Variants in ABCD3 observed in about 807,000 individuals in gnomAD.
ABCD3 encodes the protein ATP binding cassette subfamily D member 3.
In ABCD3, 41 loss-of-function variants were observed where a neutral mutation model predicts 105.5. The ratio of observed to expected loss-of-function variants is 0.39; its 90% CI spans 0.30 to 0.50. The LOEUF is 0.50. Ranked by LOEUF, ABCD3 falls within the 20% of genes least tolerant of loss-of-function variation. The pLI, the probability that ABCD3 is intolerant of heterozygous loss-of-function variation, is 0.84. For missense variants in ABCD3, 622 were observed against 806.3 expected, an observed-to-expected ratio of 0.77 and a Z score of 2.77; for synonymous variants, 258 against 269.0, an observed-to-expected ratio of 0.96 and a Z score of 0.40.
At chr1:94,414,772 T>C (rs1236242540), upstream of ABCD3, among the ~76,000 whole-genome samples, 1 of 152,244 alleles carries the variant, frequency 6.6e-6, no homozygotes, top group East Asian at 1.9e-4. Context: ...GCTCCTGTTG[T>C]ATCTTCTTCG....
At position 94,421,258 on chromosome 1, in the gene ABCD3, G is replaced by T. The variant is rs189380947; in HGVS notation, c.110+2670G>T. Among the ~76,000 whole-genome samples, 7 of 152,088 alleles carry T rather than the reference G, an allele frequency of 4.6e-5. No homozygotes were observed. The East Asian group carries it at 1.4e-3, about 29-fold the overall frequency. Reference sequence around the variant, plus strand: ...TTTTTAGGTAAAATTTATATACATTGAAATGTACAAATATTAGTTGTACAT... The same window carrying T: ...TTTTTAGGTAAAATTTATATACATTTAAATGTACAAATATTAGTTGTACAT... On this transcript the variant is annotated intron_variant, in intron 1 of 22. Coordinates refer to ENST00000370214, the MANE Select transcript of ABCD3 (RefSeq NM_002858.4).
chr1:94,396,382 A>G, the ABCD3 span, among the ~76,000 whole-genome samples: 1 of 152,216 alleles, frequency 6.6e-6, no homozygotes, highest in Non-Finnish European at 1.5e-5. Context: ...AATCTCACTT[A>G]CTGAACTTTA....
chr1:94,433,390 G>A (rs1468622922), intron 1 of ABCD3, among the ~76,000 whole-genome samples: 6 of 151,962 alleles, frequency 3.9e-5, no homozygotes, highest in African/African-American at 1.5e-4. Flanking sequence ...CTGACCTCAG[G>A]TGATCTGCCT....
the ABCD3 span, among the ~76,000 whole-genome samples, chr1:94,388,113 T>A: frequency 1.3e-5 from 2 of 152,238 alleles, no homozygotes; most frequent in Non-Finnish European, 2.9e-5. Flanking sequence ...AAGTAAAATT[T>A]ACTTATAGTT....
At chr1:94,467,434 A>G (rs1310810631) in intron 3 of ABCD3, among the ~76,000 whole-genome samples, 11 of 152,220 alleles carry the variant, frequency 7.2e-5, no homozygotes, top group Admixed American at 7.2e-4. Flanking sequence ...GAGGGCATGG[A>G]CACTATTATA....
intron 1 of ABCD3, among the ~76,000 whole-genome samples, chr1:94,430,409 T>TC (rs989073704): frequency 2.7e-4 from 41 of 152,206 alleles, no homozygotes; most frequent in African/African-American, 8.2e-4. Flanking sequence ...TTTGGCTGTG[T>TC]CCCCCTAAAT....
chr1:94,401,602 A>G, the ABCD3 span, among the ~76,000 whole-genome samples: 1 of 152,216 alleles, frequency 6.6e-6, no homozygotes, highest in East Asian at 1.9e-4. Flanking sequence ...GGTCTTCTTA[A>G]GATAAGTTAT....
Position 94,483,335 on chromosome 1 carries a change from A to T in ABCD3, c.897+96A>T, listed in dbSNP as rs530533119. On this transcript the variant is annotated intron_variant, in intron 10 of 22. Coordinates refer to ENST00000370214, the MANE Select transcript of ABCD3 (RefSeq NM_002858.4). ...CCGACACACATACACACACACACAAACACACACGTATGTATACATATCTTA... is the reference window on the plus strand; with the variant it reads ...CCGACACACATACACACACACACAATCACACACGTATGTATACATATCTTA... 1.3e-5 allele frequency: 11 copies of T among 879,262 alleles called. No homozygotes were observed. The African/African-American group carries it at 1.3e-4, about 11-fold the overall frequency. The allele number at this position is 879,262 out of a possible 1,614,324, so 54.5% of individuals were successfully genotyped here.
At position 94,490,596 on chromosome 1, in the gene ABCD3, C is replaced by T. The variant is rs529644794; in HGVS notation, c.1323-588C>T. Among the ~76,000 whole-genome samples the T allele has an allele frequency of 4.3e-4, 66 of 152,002 alleles. 1 individual carries two copies. The highest frequency in any genetic ancestry group is 8.5e-4 in the Admixed American group (13 of 15,260). ...TCTTTTTTAAAAGTGGGGTAATATT[C>T]TATTGTGTGTATTTTGTGTGTATGT... On this transcript the variant is annotated intron_variant, in intron 15 of 22. Coordinates refer to ENST00000370214, the MANE Select transcript of ABCD3 (RefSeq NM_002858.4).
intron 21 of ABCD3, among the ~76,000 whole-genome samples, chr1:94,511,976 CCTT>C (rs1312809646): frequency 6.6e-6 from 1 of 152,126 alleles, no homozygotes; most frequent in Non-Finnish European, 1.5e-5. Context: ...TCGTCTGAAG[CCTT>C]CTTCTCTCAG....
upstream of ABCD3, chr1:94,418,325 G>T: frequency 4.0e-6 from 2 of 502,410 alleles, no homozygotes; most frequent in African/African-American, 2.0e-5. Context: ...TCCAGAGCGC[G>T]GGCGGCGCGG....
intron 21 of ABCD3, among the ~76,000 whole-genome samples, chr1:94,512,490 A>G (rs575044369): frequency 4.4e-4 from 67 of 152,160 alleles, no homozygotes; most frequent in African/African-American, 1.6e-3. Context: ...CAACGTATTT[A>G]AATCTATTTC....
At chr1:94,477,979 GGTATCTTA>G (rs1648845830) in intron 7 of ABCD3, among the ~76,000 whole-genome samples, 1 of 152,152 alleles carries the variant, frequency 6.6e-6, no homozygotes, top group Non-Finnish European at 1.5e-5. Context: ...TCACAGTAGA[GGTATCTTA>G]GTTGATGGAA....
At chr1:94,473,589 A>G (rs752876952) in intron 4 of ABCD3, among the ~76,000 whole-genome samples, 177 bp from the exon 5 acceptor site, 10 of 152,130 alleles carry the variant, frequency 6.6e-5, no homozygotes, top group Non-Finnish European at 1.3e-4. Context: ...GTTCAAAATG[A>G]TGACATTTTA....
the ABCD3 span, among the ~76,000 whole-genome samples, chr1:94,398,293 C>T: frequency 6.6e-6 from 1 of 152,114 alleles, no homozygotes; most frequent in Non-Finnish European, 1.5e-5. Context: ...CTTGTAACTT[C>T]ATTTTCTGAC....
At chr1:94,468,215 C>A (rs1323147727) in intron 4 of ABCD3, among the ~76,000 whole-genome samples, 1 of 152,136 alleles carries the variant, frequency 6.6e-6, no homozygotes, top group African/African-American at 2.4e-5. Context: ...TATATGCCAG[C>A]AACTAGGAGA....
chr1:94,504,938 T>A (rs2101052301), intron 20 of ABCD3, among the ~76,000 whole-genome samples: 1 of 152,186 alleles, frequency 6.6e-6, no homozygotes, highest in East Asian at 1.9e-4. Flanking sequence ...TTAGTTCATT[T>A]TAAAAATAGC....
At chr1:94,395,822 T>C in the ABCD3 span, among the ~76,000 whole-genome samples, 1 of 151,954 alleles carries the variant, frequency 6.6e-6, no homozygotes, top group African/African-American at 2.4e-5. Context: ...TGAGTGTGTG[T>C]GTGTGTGCAC....
In ABCD3 at chr1:94,499,093, C is replaced by G. The variant is rs1028939635; in HGVS notation, c.1620+59C>G. On this transcript the variant is annotated intron_variant, in intron 19 of 22. Transcript: ENST00000370214. ...AATACTCCAGATTATTTATTTTAAT[C>G]AATTAAGTATTTTAAATGCCAGGTA... 15 of 1,425,102 alleles carry G rather than the reference C, an allele frequency of 1.1e-5. No individual in the cohort carries two copies. In the Admixed American group the frequency reaches 2.4e-4, roughly 22 times the overall value. 88.3% of individuals were successfully genotyped at this position (1,425,102 alleles called of 1,614,324 possible).
Sources: allele counts gnomAD v4.1 joint callset (sites outside exome capture counted in the v4.1 genomes callset), GRCh38; gene constraint gnomAD v4.1.1; transcripts MANE v1.5; gene names NCBI Gene and HGNC (gene_info 2026-07-23, HGNC 2026-07-21).